RAD54B: variants seen among roughly 807,000 people sequenced by gnomAD.
RAD54B encodes the protein RAD54 homolog B, also known as DNA repair and recombination protein RAD54B.
In RAD54B, 78 loss-of-function variants were observed where a neutral mutation model predicts 95.8. The ratio of observed to expected loss-of-function variants is 0.81; its 90% CI spans 0.68 to 0.98. The LOEUF (loss-of-function observed/expected upper bound fraction) is 0.98. Among genes scored for constraint, RAD54B ranks in the 50% least tolerant of loss-of-function variants. The pLI, the probability that RAD54B is intolerant of heterozygous loss-of-function variation, is 0.00. For missense variants in RAD54B, 957 were observed against 1,056.6 expected (o/e 0.91, Z 1.31); for synonymous variants, 328 against 354.9 (o/e 0.92, Z 0.85).
intron 3 of RAD54B, chr8:94,436,392 C>T (rs1812261822): frequency 1.5e-6 from 2 of 1,337,348 alleles, no homozygotes. Flanking sequence ...TCATTGCTCC[C>T]GTTGTGGGGA....
intron 3 of RAD54B, among the ~76,000 whole-genome samples, chr8:94,451,488 A>C (rs1226836710): frequency 6.6e-6 from 1 of 152,206 alleles, no homozygotes; most frequent in African/African-American, 2.4e-5. Context: ...TATAGTAATA[A>C]ATTTCAAAGT....
At chr8:94,376,423 G>C (rs1014059281) in intron 14 of RAD54B, among the ~76,000 whole-genome samples, 7 of 151,816 alleles carry the variant, frequency 4.6e-5, no homozygotes, top group Non-Finnish European at 1.0e-4. Flanking sequence ...CCACTTCTTT[G>C]AAAAGAAGAC....
intron 3 of RAD54B, among the ~76,000 whole-genome samples, chr8:94,442,896 G>A (rs542398663): frequency 1.8e-4 from 27 of 152,156 alleles, no homozygotes; most frequent in African/African-American, 3.4e-4. Flanking sequence ...AGCATTACAC[G>A]TTAAGTCAGC....
chr8:94,451,789 C>G (rs1004915752), intron 3 of RAD54B, among the ~76,000 whole-genome samples: 1 of 151,888 alleles, frequency 6.6e-6, no homozygotes, highest in African/African-American at 2.4e-5. Context: ...GAAGCAAAGA[C>G]TAAGAAAACG....
At chr8:94,408,747 C>A (rs1811452675) in intron 4 of RAD54B, among the ~76,000 whole-genome samples, 1 of 152,110 alleles carries the variant, frequency 6.6e-6, no homozygotes, top group South Asian at 2.1e-4. Flanking sequence ...CAGTATTGGT[C>A]TTCACTTATC....
intron 3 of RAD54B, chr8:94,429,578 C>CA (rs1340596919): frequency 2.0e-6 from 2 of 982,832 alleles, no homozygotes; most frequent in African/African-American, 3.5e-5. Context: ...TCAATAATTT[C>CA]AAAAAATAAA....
chr8:94,419,790 A>G (rs538801249), intron 3 of RAD54B, among the ~76,000 whole-genome samples: 6 of 149,346 alleles, frequency 4.0e-5, no homozygotes, highest in African/African-American at 1.5e-4. Flanking sequence ...AATTTAACAG[A>G]GTAAAATAAA....
intron 11 of RAD54B, 93 bp from the exon 12 acceptor site, chr8:94,380,499 G>C: frequency 1.6e-6 from 2 of 1,225,302 alleles, no homozygotes; most frequent in Non-Finnish European, 2.2e-6. Flanking sequence ...TATTATCACT[G>C]ACATTGAGAG....
At chr8:94,384,003 T>G (rs1405932093) in intron 11 of RAD54B, among the ~76,000 whole-genome samples, 1 of 152,154 alleles carries the variant, frequency 6.6e-6, no homozygotes, top group Non-Finnish European at 1.5e-5. Flanking sequence ...TACCATATGA[T>G]GCAACAATTC....
At chr8:94,470,456 G>A (rs569275956) in intron 1 of RAD54B, among the ~76,000 whole-genome samples, 1 of 152,280 alleles carries the variant, frequency 6.6e-6, no homozygotes. Flanking sequence ...TTAGCCAGGC[G>A]TGGTGGCGCA....
At chr8:94,409,097 T>G (rs900732492) in intron 4 of RAD54B, among the ~76,000 whole-genome samples, 3 of 152,140 alleles carry the variant, frequency 2.0e-5, no homozygotes, top group Non-Finnish European at 4.4e-5. Context: ...CTTTCAGTTT[T>G]CTTAGCACCT....
At chr8:94,403,173 A>G (rs948345286) in intron 6 of RAD54B, among the ~76,000 whole-genome samples, 1 of 152,194 alleles carries the variant, frequency 6.6e-6, no homozygotes, top group Non-Finnish European at 1.5e-5. Flanking sequence ...GGGTCTTGGC[A>G]TTTAAAAACA....
At chr8:94,453,745 G>T (rs576886934) in intron 3 of RAD54B, among the ~76,000 whole-genome samples, 2 of 152,282 alleles carry the variant, frequency 1.3e-5, no homozygotes, top group African/African-American at 4.8e-5. Context: ...GGGAAGGGAA[G>T]TAGACAGCTA....
At chr8:94,469,050 T>C (rs1204241803) in intron 1 of RAD54B, among the ~76,000 whole-genome samples, 14 of 148,838 alleles carry the variant, frequency 9.4e-5, no homozygotes, top group Non-Finnish European at 2.1e-4. Flanking sequence ...CCCAGCACTT[T>C]GGGAGGCCAA....
At chr8:94,434,281 A>G (rs1812198302) in intron 3 of RAD54B, among the ~76,000 whole-genome samples, 1 of 151,888 alleles carries the variant, frequency 6.6e-6, no homozygotes, top group Non-Finnish European at 1.5e-5. Context: ...AATATGCCTC[A>G]TATCTGGAAC....
chr8:94,376,481 C>T (rs980765061), intron 14 of RAD54B, among the ~76,000 whole-genome samples: 15 of 151,098 alleles, frequency 9.9e-5, no homozygotes, highest in Non-Finnish European at 1.9e-4. Flanking sequence ...GGAAAAAGAA[C>T]ATTAGAGTAA....
intron 3 of RAD54B, chr8:94,429,108 C>G: frequency 1.0e-6 from 1 of 985,226 alleles, no homozygotes; most frequent in South Asian, 4.7e-5. Flanking sequence ...GGAAAAGTTG[C>G]TGCAGTAAAC....
chr8:94,400,753 A>G (rs1811248743), intron 6 of RAD54B, among the ~76,000 whole-genome samples: 1 of 152,198 alleles, frequency 6.6e-6, no homozygotes, highest in African/African-American at 2.4e-5. Context: ...ATATCTGCAT[A>G]TGGATAATTT....
Position 94,378,311 on chromosome 8 carries a change from A to G in RAD54B, c.2384T>C (p.Leu795Pro). ...KQGLCGAVVD[L>P]TKTSEHIQFS... ...CTGAATATGTTCAGATGTCTTGGTG[A>G]GGTCGACAACTGCCCCACAAAGACC... Residue 795 changes from leucine to proline, a missense_variant, in exon 14 of 15, where the codon CTC becomes CCC. Physicochemically the swap from Leu to Pro is moderately conservative, Grantham distance 98. Coordinates refer to ENST00000336148, the MANE Select transcript of RAD54B (RefSeq NM_012415.3). 4 of 1,614,010 alleles carry G rather than the reference A, an allele frequency of 2.5e-6. No individual in the cohort carries two copies. The highest frequency in any genetic ancestry group is 3.4e-6 in the Non-Finnish European group (4 of 1,179,952).
Sources: allele counts gnomAD v4.1 joint callset (sites outside exome capture counted in the v4.1 genomes callset), GRCh38; gene constraint gnomAD v4.1.1; transcripts MANE v1.5; gene names NCBI Gene and HGNC (gene_info 2026-07-23, HGNC 2026-07-21).